TMEM178B: variants seen among roughly 807,000 people sequenced by gnomAD.
The protein encoded by TMEM178B is transmembrane protein 178B.
TMEM178B carries 5 observed loss-of-function variants against 31.0 expected under a neutral mutation model. That is an observed-to-expected ratio of 0.16 (90% confidence interval 0.08 to 0.34). The LOEUF (loss-of-function observed/expected upper bound fraction) is 0.34, where lower values mean the gene tolerates loss of function less well. TMEM178B is among the 10% of genes least tolerant of loss of function. TMEM178B has a pLI of 1.00. For synonymous variants in TMEM178B, 164 were observed against 164.0 expected, an observed-to-expected ratio of 1.00 and a Z score of 0.00; for missense variants, 275 against 400.3, an observed-to-expected ratio of 0.69 and a Z score of 2.67.
intron 2 of TMEM178B, among the ~76,000 whole-genome samples, chr7:141,373,936 TA>T (rs747051722): frequency 2.6e-5 from 4 of 152,214 alleles, no homozygotes; most frequent in Non-Finnish European, 5.9e-5. Context: ...GGCAAACATT[TA>T]GTTAGGCATG....
intron 1 of TMEM178B, among the ~76,000 whole-genome samples, chr7:141,103,720 A>G (rs6464330): frequency 0.32 from 48,526 of 152,082 alleles, 8,596 homozygotes; most frequent in African/African-American, 0.47. Flanking sequence ...CTGAATTTGT[A>G]CAATAATGAG....
At chr7:141,276,313 T>C (rs148162663) in intron 2 of TMEM178B, among the ~76,000 whole-genome samples, 121 of 152,274 alleles carry the variant, frequency 7.9e-4, no homozygotes, top group African/African-American at 2.6e-3. Context: ...GACGGGGATA[T>C]ACTCAGAGAA....
At chr7:141,386,416 CT>C (rs1463516844) in intron 2 of TMEM178B, among the ~76,000 whole-genome samples, 1 of 152,172 alleles carries the variant, frequency 6.6e-6, no homozygotes, top group Non-Finnish European at 1.5e-5. Context: ...GCTACTTTTG[CT>C]TTCTATGGAG....
At chr7:141,399,397 A>G (rs1351578741) in intron 2 of TMEM178B, among the ~76,000 whole-genome samples, 1 of 152,222 alleles carries the variant, frequency 6.6e-6, no homozygotes, top group Non-Finnish European at 1.5e-5. Flanking sequence ...ATCATATTTG[A>G]ATATATTAGC....
At position 141,478,335 on chromosome 7, in the gene TMEM178B, CT is replaced by C. The variant is rs1179096718; in HGVS notation, c.*7550del. ...ATCTGCAGCATAAACAGCTGTCTCC[CT>C]GCAGGACTGAGAAGACCAGCTGCCC... On this transcript the variant is annotated 3_prime_UTR_variant, in exon 4 of 4. Coordinates refer to ENST00000565468, the MANE Select transcript of TMEM178B (RefSeq NM_001195278.2). 4 of 152,214 alleles carry C rather than the reference CT, an allele frequency of 2.6e-5. No homozygotes were observed. The highest frequency in any genetic ancestry group is 5.9e-5 in the Non-Finnish European group (4 of 68,062). The allele number at this position is 152,214 out of a possible 1,614,324, so 9.4% of individuals were successfully genotyped here. A position where few individuals can be genotyped will look rare whatever the true frequency, so the allele number is the denominator to read the frequency against.
rs1796895391 is a variant in TMEM178B, at chr7:141,202,576, G to A, written c.383-10015G>A. ...AAAAACAAAGCATACAAAATGGAATGCATTTGAAAGCATTGAAAATAAAAA... is the reference window on the plus strand; with the variant it reads ...AAAAACAAAGCATACAAAATGGAATACATTTGAAAGCATTGAAAATAAAAA... On this transcript the variant is annotated intron_variant, in intron 1 of 3. Transcript: ENST00000565468. 2.0e-5 allele frequency among the ~76,000 whole-genome samples: 3 copies of A among 152,340 alleles called. No homozygotes were observed. In the South Asian group the frequency reaches 6.2e-4, roughly 32 times the overall value.
At chr7:141,302,149 G>A (rs971930492) in intron 2 of TMEM178B, among the ~76,000 whole-genome samples, 4 of 152,122 alleles carry the variant, frequency 2.6e-5, no homozygotes, top group African/African-American at 9.7e-5. Context: ...TTATCATAAC[G>A]AAAACAAGGT....
At chr7:141,426,134 G>A (rs1319858121) in intron 2 of TMEM178B, among the ~76,000 whole-genome samples, 2 of 152,160 alleles carry the variant, frequency 1.3e-5, no homozygotes, top group African/African-American at 4.8e-5. Flanking sequence ...GAGAAAAATT[G>A]ACTTTAAGTT....
At chr7:141,106,430 C>G (rs560526067) in intron 1 of TMEM178B, among the ~76,000 whole-genome samples, 2 of 152,198 alleles carry the variant, frequency 1.3e-5, no homozygotes, top group Non-Finnish European at 2.9e-5. Context: ...AAAGTGAAAA[C>G]ATGATTCTTT....
chr7:141,305,236 A>G (rs1798796665), intron 2 of TMEM178B, among the ~76,000 whole-genome samples: 1 of 152,222 alleles, frequency 6.6e-6, no homozygotes, highest in Admixed American at 6.5e-5. Context: ...TTATAACCCT[A>G]GTAATAGTAG....
At chr7:141,351,474 G>C (rs968414597) in intron 2 of TMEM178B, among the ~76,000 whole-genome samples, 4 of 152,232 alleles carry the variant, frequency 2.6e-5, no homozygotes, top group African/African-American at 9.6e-5. Context: ...GTGAGGCACA[G>C]GTGTGCAAGG....
At chr7:141,480,739 C>A (rs1419075123), downstream of TMEM178B, among the ~76,000 whole-genome samples, 2 of 152,186 alleles carry the variant, frequency 1.3e-5, no homozygotes, top group Non-Finnish European at 2.9e-5. Context: ...CAACCTGTTT[C>A]CCAGTTCCCA....
intron 1 of TMEM178B, among the ~76,000 whole-genome samples, chr7:141,121,317 A>G (rs1563093210): frequency 2.0e-5 from 3 of 152,100 alleles, no homozygotes; most frequent in South Asian, 2.1e-4. Context: ...CAAAGAGTGT[A>G]GTAGATCTGT....
intron 2 of TMEM178B, among the ~76,000 whole-genome samples, chr7:141,268,742 T>C (rs1563136738): frequency 6.6e-6 from 1 of 152,242 alleles, no homozygotes; most frequent in African/African-American, 2.4e-5. Flanking sequence ...ACCAGTGTGA[T>C]CTCAAAGACA....
At chr7:141,207,697 T>C (rs946464286) in intron 1 of TMEM178B, among the ~76,000 whole-genome samples, 6 of 152,180 alleles carry the variant, frequency 3.9e-5, no homozygotes, top group Admixed American at 3.9e-4. Flanking sequence ...TGTGTCTTGC[T>C]ATGACCCTGA....
At chr7:141,205,596 A>C (rs4726415) in intron 1 of TMEM178B, among the ~76,000 whole-genome samples, 148,380 of 152,302 alleles carry the variant, frequency 0.97, 72,312 homozygotes, top group East Asian at 1. Flanking sequence ...AATGGGTGTC[A>C]AGGAGAACAA....
intron 1 of TMEM178B, among the ~76,000 whole-genome samples, chr7:141,090,443 C>T (rs1168591101): frequency 3.3e-5 from 5 of 152,180 alleles, no homozygotes; most frequent in Non-Finnish European, 5.9e-5. Flanking sequence ...GTAATGTCCT[C>T]GGGTTGTCTT....
At position 141,362,938 on chromosome 7, in the gene TMEM178B, A is replaced by C. The variant is rs138607116; in HGVS notation, c.497-74670A>C. 4.8e-3 allele frequency among the ~76,000 whole-genome samples: 725 copies of C among 152,324 alleles called. 4 individuals carry two copies. The highest frequency in any genetic ancestry group is 0.016 in the African/African-American group (680 of 41,570). On this transcript the variant is annotated intron_variant, in intron 2 of 3. Transcript: ENST00000565468. ...TCTGGAAAAGTGCTCATGAGGTCAG[A>C]TATGGCCGGAACCATGGCAAAGGGA...
At chr7:141,237,355 G>T in intron 2 of TMEM178B, among the ~76,000 whole-genome samples, 1 of 152,200 alleles carries the variant, frequency 6.6e-6, no homozygotes, top group South Asian at 2.1e-4. Flanking sequence ...TCAAAAATGG[G>T]GTAAGTGTTA....
Sources: gnomAD v4.1 joint callset for allele counts (sites outside exome capture counted in the v4.1 genomes callset) on GRCh38, gnomAD v4.1.1 for gene constraint, MANE v1.5 for transcripts, NCBI Gene and HGNC (gene_info 2026-07-23, HGNC 2026-07-21) for gene names.